FCRL2: variants seen among roughly 807,000 people sequenced by gnomAD.
The protein encoded by FCRL2 is Fc receptor-like protein 2.
FCRL2 carries 48 observed loss-of-function variants against 59.8 expected under a neutral mutation model. That is an observed-to-expected ratio of 0.80 (90% CI 0.64 to 1.02). The LOEUF (loss-of-function observed/expected upper bound fraction) is 1.02, where lower values mean the gene tolerates loss of function less well. Ranked by LOEUF, FCRL2 falls within the 50% of genes least tolerant of loss-of-function variation. The pLI, the probability that FCRL2 is intolerant of heterozygous loss-of-function variation, is 0.00. For synonymous variants in FCRL2, 251 were observed against 229.5 expected, an observed-to-expected ratio of 1.09 and a Z score of -0.85; for missense variants, 658 against 597.3, an observed-to-expected ratio of 1.10 and a Z score of -1.06.
intron 7 of FCRL2, among the ~76,000 whole-genome samples, chr1:157,765,072 C>T (rs2101725839): frequency 6.6e-6 from 1 of 152,212 alleles, no homozygotes; most frequent in Middle Eastern, 3.4e-3. Flanking sequence ...AAACTGCTAG[C>T]TAGACTAGCC....
rs1261427191 is a variant in FCRL2 at position 157,745,766 on chromosome 1, C to A, written c.*970G>T. 1 of 152,102 alleles carries A rather than the reference C, an allele frequency of 6.6e-6. No individual in the cohort carries two copies. The highest frequency in any genetic ancestry group is 2.4e-5 in the African/African-American group (1 of 41,422). The allele number at this position is 152,102 out of a possible 1,614,324, so 9.4% of individuals were successfully genotyped here. The stretch of plus-strand genomic sequence containing the variant: ...ATTTACATTTTATTCTATATACTTA[C>A]AAAAGTAATATCATAGTTTATTGCA... On this transcript the variant is annotated 3_prime_UTR_variant, in exon 12 of 12. Transcript: ENST00000361516.
chr1:157,775,626 G>A, intron 2 of FCRL2, 149 bp downstream of exon 2: 1 of 706,094 alleles, frequency 1.4e-6, no homozygotes, highest in Non-Finnish European at 2.2e-6. Context: ...GTTGGAAACA[G>A]GCTGCGTGAC....
rs1387548192 is a variant in FCRL2 at position 157,770,136 on chromosome 1, G to A, written c.325C>T (p.Pro109Ser). 6.2e-7 allele frequency: 1 copy of A among 1,613,744 alleles called. No homozygotes were observed. The change falls in exon 4 of 12, where the codon CCT (proline) becomes TCT (serine). Residue 109 changes from proline (P) to serine (S), a missense_variant. Pro to Ser is a moderately conservative substitution (Grantham distance 74). Coordinates refer to ENST00000361516, the MANE Select transcript of FCRL2 (RefSeq NM_030764.4). ...TGGAAGGAGCTGGCAGTCAGCACAG[G>A]ACGTTGAAAGAGCTCTAGAGAGAAG... is the stretch of plus-strand genomic sequence containing the variant. ...KIKVQELFQR[P>S]VLTASSFQPI...
At chr1:157,753,271 G>A (rs1030166952) in intron 7 of FCRL2, among the ~76,000 whole-genome samples, 2 of 152,024 alleles carry the variant, frequency 1.3e-5, no homozygotes, top group African/African-American at 4.8e-5. Context: ...TAGGTAAAGG[G>A]GTGTGTCCCA....
chr1:157,761,567 T>G (rs1426367384), intron 7 of FCRL2, among the ~76,000 whole-genome samples: 2 of 152,148 alleles, frequency 1.3e-5, no homozygotes, highest in African/African-American at 4.8e-5. Context: ...CAAGATCGTG[T>G]CACTGCACTC....
Position 157,748,955 on chromosome 1 carries a change from G to A in FCRL2, c.1313C>T (p.Ala438Val), listed in dbSNP as rs1224812112. ...GAACTCTTGAGGATTTGGCCTGGAA[G>A]CCCCTCTGTGAGAAAGTGAATTAAT... is the stretch of plus-strand genomic sequence containing the variant. ...ESSATNEPRG[A>V]SRPNPQEFTY... Residue 438 changes from alanine (A) to valine (V), a missense_variant, in exon 9 of 12, where the codon GCT becomes GTT. By Grantham distance (64) the Ala-to-Val change is moderately conservative (BLOSUM62 0). Coordinates refer to ENST00000361516, the MANE Select transcript of FCRL2 (RefSeq NM_030764.4). 1.2e-6 allele frequency: 2 copies of A among 1,613,528 alleles called. No homozygotes were observed. The highest frequency in any genetic ancestry group is 1.3e-5 in the African/African-American group (1 of 74,906).
At position 157,768,532 on chromosome 1, in the gene FCRL2, G is replaced by A. The variant is rs1649709292; in HGVS notation, c.765C>T (p.Ser255=). ...GTSMGKKTQR[S]LSAELEIPAV... ...CTGGGATCTCCAGCTCTGCTGACAG[G>A]GAACGCTGGGTTTTCTTTCCCATAC... Residue 255 remains serine, a synonymous_variant, in exon 5 of 12, where the codon TCC becomes TCT. Coordinates refer to ENST00000361516, the MANE Select transcript of FCRL2 (RefSeq NM_030764.4). 4 of 1,614,098 alleles carry A rather than the reference G, an allele frequency of 2.5e-6. No homozygotes were observed. Among genetic ancestry groups the A allele is most frequent in the Non-Finnish European group, 3.4e-6 (4 of 1,180,050 alleles).
At chr1:157,774,430 A>G in intron 2 of FCRL2, 1 of 456,458 alleles carries the variant, frequency 2.2e-6, no homozygotes, top group Non-Finnish European at 4.4e-6. Flanking sequence ...CCAGTACATC[A>G]TGCTGAACTA....
At chr1:157,765,095 C>T (rs1399880992) in intron 7 of FCRL2, among the ~76,000 whole-genome samples, 3 of 152,000 alleles carry the variant, frequency 2.0e-5, no homozygotes, top group Non-Finnish European at 1.5e-5. Flanking sequence ...GAAAAGAAGA[C>T]TCAAATAAAC....
At chr1:157,776,897 T>A (rs1200814502) in intron 1 of FCRL2, 146 bp downstream of exon 1, 3 of 744,830 alleles carry the variant, frequency 4.0e-6, no homozygotes, top group Non-Finnish European at 7.2e-6. Flanking sequence ...AGCCTACTTC[T>A]TTGCATCTGC....
intron 2 of FCRL2, among the ~76,000 whole-genome samples, chr1:157,773,472 G>A (rs751255159): frequency 2.2e-4 from 33 of 152,150 alleles, no homozygotes; most frequent in South Asian, 6.2e-4. Context: ...GGGTGGACTC[G>A]GGAATACTGA....
intron 2 of FCRL2, among the ~76,000 whole-genome samples, chr1:157,775,524 C>A (rs1650340580): frequency 6.6e-6 from 1 of 152,208 alleles, no homozygotes; most frequent in Non-Finnish European, 1.5e-5. Flanking sequence ...CATGTTATTG[C>A]CCTTCTTAAA....
intron 1 of FCRL2, among the ~76,000 whole-genome samples, chr1:157,776,025 T>C (rs566999204): frequency 2.6e-5 from 4 of 152,298 alleles, no homozygotes; most frequent in Non-Finnish European, 5.9e-5. Context: ...AAAGGGATTG[T>C]CGAGAATACC....
intron 2 of FCRL2, chr1:157,774,461 A>G (rs1650259776): frequency 4.4e-6 from 2 of 456,310 alleles, no homozygotes; most frequent in African/African-American, 2.0e-5. Context: ...TACTCTTTTT[A>G]AAAAGAAAAG....
rs59716565 is a variant in FCRL2 at position 157,758,680 on chromosome 1, C to CAAAAAAAAAAAAAAAAAAAAAAAAAA, written c.1279+8174_1279+8175insTTTTTTTTTTTTTTTTTTTTTTTTTT. Among the ~76,000 whole-genome samples, 2 of 55,402 alleles carry CAAAAAAAAAAAAAAAAAAAAAAAAAA rather than the reference C, an allele frequency of 3.6e-5. 1 individual carries two copies. Among genetic ancestry groups the CAAAAAAAAAAAAAAAAAAAAAAAAAA allele is most frequent in the Non-Finnish European group, 6.7e-5 (2 of 29,754 alleles). 36.3% of individuals were successfully genotyped at this position (55,402 alleles called of 152,430 possible). On this transcript the variant is annotated intron_variant, in intron 7 of 11. Transcript: ENST00000361516. The stretch of plus-strand genomic sequence containing the variant: ...CCCAAATAGCCAAAGCAGTCCCAAG[C>CAAAAAAAAAAAAAAAAAAAAAAAAAA]AAAAAAAAAAAAAAAAAAAAAACAA...
In FCRL2 at chr1:157,746,323, A is replaced by G. The variant is rs1242827326; in HGVS notation, c.*413T>C. The G allele has an allele frequency of 6.1e-6, 1 of 165,186 alleles. No homozygotes were observed. Among genetic ancestry groups the G allele is most frequent in the African/African-American group, 2.4e-5 (1 of 41,838 alleles). The allele number at this position is 165,186 out of a possible 1,614,324, so 10.2% of individuals were successfully genotyped here. A position where few individuals can be genotyped will look rare whatever the true frequency, so the allele number is the denominator to read the frequency against. ...TCAGGCCAATATTCCCAATGAACAT[A>G]TTTGCAAAAATTCTCAACAAAATAT... is the stretch of plus-strand genomic sequence containing the variant. On this transcript the variant is annotated 3_prime_UTR_variant, in exon 12 of 12. Transcript: ENST00000361516.
chr1:157,771,031 C>T (rs1390629608), intron 2 of FCRL2, among the ~76,000 whole-genome samples: 6 of 152,164 alleles, frequency 3.9e-5, no homozygotes, highest in Non-Finnish European at 8.8e-5. Context: ...AACTAATCAG[C>T]TAACTCTCTG....
intron 5 of FCRL2, 52 bp downstream of exon 5, chr1:157,768,362 C>G: frequency 3.8e-6 from 6 of 1,574,382 alleles, no homozygotes; most frequent in Non-Finnish European, 5.2e-6. Context: ...ACATGTGTAT[C>G]ATGACCTTGG....
Position 157,771,945 on chromosome 1 carries a change from TA to T in FCRL2, c.53-1280del, listed in dbSNP as rs573375844. ...AGGAAATCTGTGGCATTTGGAGGTA[TA>T]ATTTTTGGCAAAATGTATGGTTCGC... On this transcript the variant is annotated intron_variant, in intron 2 of 11. Transcript: ENST00000361516. Among the ~76,000 whole-genome samples the T allele has an allele frequency of 2.0e-3, 299 of 152,098 alleles. 2 individuals carry two copies. Among genetic ancestry groups the T allele is most frequent in the African/African-American group, 6.7e-3 (276 of 41,464 alleles).
Sources: gnomAD v4.1 joint callset for allele counts (sites outside exome capture counted in the v4.1 genomes callset) on GRCh38, gnomAD v4.1.1 for gene constraint, MANE v1.5 for transcripts, NCBI Gene and HGNC (gene_info 2026-07-23, HGNC 2026-07-21) for gene names.